The following PTPRN2 variants were observed in gnomAD, a reference collection of about 807,000 sequenced individuals.
The protein encoded by PTPRN2 is receptor-type tyrosine-protein phosphatase N2.
Under a neutral mutation model 118.8 loss-of-function variants are expected in PTPRN2, and 74 were observed. The ratio of observed to expected loss-of-function variants is 0.62; its 90% CI spans 0.52 to 0.76. The LOEUF (loss-of-function observed/expected upper bound fraction) is 0.76, where lower values mean the gene tolerates loss of function less well. Ranked by LOEUF, PTPRN2 falls within the 30% of genes least tolerant of loss-of-function variation. PTPRN2 has a pLI of 0.00. For synonymous variants in PTPRN2, 641 were observed against 608.0 expected, an observed-to-expected ratio of 1.05 and a Z score of -0.80; for missense variants, 1,481 against 1,394.4, an observed-to-expected ratio of 1.06 and a Z score of -0.99.
intron 14 of PTPRN2, among the ~76,000 whole-genome samples, chr7:157,652,676 C>T (rs1292385256): frequency 6.6e-6 from 1 of 152,204 alleles, no homozygotes; most frequent in Non-Finnish European, 1.5e-5. Context: ...TAAGTCCCTC[C>T]CTGCAGTCCT....
intron 11 of PTPRN2, among the ~76,000 whole-genome samples, chr7:158,059,307 A>G (rs1377380817): frequency 7.4e-6 from 1 of 135,342 alleles, no homozygotes; most frequent in African/African-American, 3.3e-5. Context: ...CTGCAGCCAC[A>G]CTCCATCTGC....
intron 11 of PTPRN2, among the ~76,000 whole-genome samples, chr7:158,036,317 T>G (rs1808089340): frequency 6.6e-6 from 1 of 152,228 alleles, no homozygotes; most frequent in African/African-American, 2.4e-5. Context: ...TTGTAACCAT[T>G]AGTTAAATCA....
chr7:158,396,105 A>G (rs1165199318), intron 2 of PTPRN2, among the ~76,000 whole-genome samples: 1 of 152,154 alleles, frequency 6.6e-6, no homozygotes, highest in Non-Finnish European at 1.5e-5. Flanking sequence ...CAGGCTGCAG[A>G]GGCAGCGAAG....
chr7:157,867,717 G>A (rs1810797620), intron 12 of PTPRN2, among the ~76,000 whole-genome samples: 1 of 152,234 alleles, frequency 6.6e-6, no homozygotes, highest in Admixed American at 6.5e-5. Flanking sequence ...CAGAACAGAT[G>A]GAAAGACTGG....
At chr7:158,085,703 C>A (rs576031006) in intron 10 of PTPRN2, among the ~76,000 whole-genome samples, 16 of 140,504 alleles carry the variant, frequency 1.1e-4, no homozygotes, top group African/African-American at 3.9e-4. Flanking sequence ...CACACAGATA[C>A]CCATCCACAC....
intron 12 of PTPRN2, among the ~76,000 whole-genome samples, chr7:157,816,984 C>T (rs1806447585): frequency 6.6e-6 from 1 of 152,244 alleles, no homozygotes; most frequent in African/African-American, 2.4e-5. Flanking sequence ...CTGCCGACCA[C>T]ATGCCTCTGG....
At chr7:157,670,204 G>T (rs1304829792) in intron 13 of PTPRN2, among the ~76,000 whole-genome samples, 2 of 152,160 alleles carry the variant, frequency 1.3e-5, no homozygotes, top group East Asian at 3.9e-4. Context: ...TGGGTGGCTG[G>T]GAAACGCAGG....
At chr7:157,567,126 G>A (rs1279744155) in intron 21 of PTPRN2, among the ~76,000 whole-genome samples, 1 of 152,208 alleles carries the variant, frequency 6.6e-6, no homozygotes, top group Non-Finnish European at 1.5e-5. Context: ...ATGGCTCTGA[G>A]CTCCAATAGC....
intron 3 of PTPRN2, among the ~76,000 whole-genome samples, chr7:158,272,377 G>T (rs1798571149): frequency 6.6e-6 from 1 of 152,160 alleles, no homozygotes; most frequent in Non-Finnish European, 1.5e-5. Flanking sequence ...TAAAGACTTG[G>T]GTCCCAACGT....
intron 15 of PTPRN2, among the ~76,000 whole-genome samples, chr7:157,605,776 G>A (rs983186745): frequency 5.3e-5 from 8 of 152,190 alleles, no homozygotes; most frequent in Non-Finnish European, 7.4e-5. Context: ...GGCTATGCCT[G>A]GGGCATTTAT....
At chr7:157,855,632 C>T (rs964644196) in intron 12 of PTPRN2, among the ~76,000 whole-genome samples, 1 of 152,130 alleles carries the variant, frequency 6.6e-6, no homozygotes, top group African/African-American at 2.4e-5. Flanking sequence ...CAGGAATAGC[C>T]CTCACTGCAT....
At chr7:158,140,606 T>C (rs549683925) in intron 6 of PTPRN2, among the ~76,000 whole-genome samples, 60 of 152,212 alleles carry the variant, frequency 3.9e-4, no homozygotes, top group Non-Finnish European at 6.0e-4. Context: ...CACAGAATCC[T>C]GTTAACAGAA....
intron 2 of PTPRN2, among the ~76,000 whole-genome samples, chr7:158,377,702 C>T (rs1276953497): frequency 1.3e-5 from 2 of 152,206 alleles, no homozygotes; most frequent in South Asian, 2.1e-4. Flanking sequence ...GCTTTACGCA[C>T]GACAGCTGAA....
rs1045535679 is a variant in PTPRN2, at chr7:158,526,373, C to T, written c.113-36588G>A. On this transcript the variant is annotated intron_variant, in intron 1 of 22. Transcript: ENST00000389418. The surrounding 1 kb of genome is among the most constrained non-coding windows in gnomAD (Gnocchi z 5.2). ...GCAGAGATAACCAGGTAGAGCCACG[C>T]TCACGAGAACCACCAGCCACTCTGA... Among the ~76,000 whole-genome samples, 1 of 152,232 alleles carries T rather than the reference C, an allele frequency of 6.6e-6. No individual in the cohort carries two copies. Among genetic ancestry groups the T allele is most frequent in the African/African-American group, 2.4e-5 (1 of 41,464 alleles).
intron 15 of PTPRN2, among the ~76,000 whole-genome samples, chr7:157,613,810 G>A (rs981627007): frequency 1.3e-5 from 2 of 152,184 alleles, no homozygotes; most frequent in African/African-American, 2.4e-5. Context: ...GGAGCGCAGG[G>A]GTCCCGAGGG....
At chr7:157,571,384 ATAGAT>A in intron 20 of PTPRN2, 51 bp downstream of exon 20, 1 of 1,333,482 alleles carries the variant, frequency 7.5e-7, no homozygotes, top group Non-Finnish European at 1.1e-6. Context: ...ATTTAATTGC[ATAGAT>A]TAGTTTTTGA....
At chr7:158,566,511 G>A (rs988844169) in intron 1 of PTPRN2, among the ~76,000 whole-genome samples, 1 of 152,164 alleles carries the variant, frequency 6.6e-6, no homozygotes, top group Admixed American at 6.5e-5. Context: ...CACAAGCACC[G>A]CACAAAAGGT....
rs550636479 is a variant in PTPRN2 at position 157,977,908 on chromosome 7, C to T, written c.1724-79171G>A. Reference sequence around the variant, plus strand: ...GGAGGAGGGAAGGAGGTCAGCTTCCCGATGTGTCTGTGGGCCGGCAGGACT... The same window carrying T: ...GGAGGAGGGAAGGAGGTCAGCTTCCTGATGTGTCTGTGGGCCGGCAGGACT... On this transcript the variant is annotated intron_variant, in intron 11 of 22. Coordinates refer to ENST00000389418, the MANE Select transcript of PTPRN2 (RefSeq NM_002847.5). The surrounding 1 kb of genome is among the most constrained non-coding windows in gnomAD (Gnocchi z 4.6). 5.9e-4 allele frequency among the ~76,000 whole-genome samples: 90 copies of T among 151,824 alleles called. No individual in the cohort carries two copies. In the South Asian group the frequency reaches 0.016, roughly 28 times the overall value.
intron 3 of PTPRN2, among the ~76,000 whole-genome samples, chr7:158,239,813 C>T (rs1340784312): frequency 6.6e-6 from 1 of 152,242 alleles, no homozygotes; most frequent in Non-Finnish European, 1.5e-5. Context: ...ACGCTTCCTC[C>T]ACGCCCATTG....
Sources: gnomAD v4.1 joint callset for allele counts (sites outside exome capture counted in the v4.1 genomes callset) on GRCh38, gnomAD v4.1.1 for gene constraint, Gnocchi (gnomAD v3.1) non-coding constraint, MANE v1.5 for transcripts, NCBI Gene and HGNC (gene_info 2026-07-23, HGNC 2026-07-21) for gene names.